Variants in PXDNL observed in about 807,000 individuals in gnomAD.
PXDNL encodes the protein peroxidasin like, also known as probable oxidoreductase PXDNL.
A neutral mutation model predicts 150.8 loss-of-function variants in PXDNL; 145 were observed. The observed-to-expected ratio is 0.96, with a 90% CI of 0.84 to 1.10. The LOEUF (loss-of-function observed/expected upper bound fraction) is 1.10. PXDNL is among the 50% of genes least tolerant of loss of function. The pLI is 0.00. For missense variants in PXDNL, 2,087 were observed against 1,873.9 expected (o/e 1.11, Z -2.10); for synonymous variants, 757 against 725.7 (o/e 1.04, Z -0.69).
At chr8:51,621,340 G>A (rs79577318) in intron 2 of PXDNL, among the ~76,000 whole-genome samples, 2,729 of 152,014 alleles carry the variant, frequency 0.018, 97 homozygotes, top group African/African-American at 0.063. Context: ...AAACTATAGA[G>A]CACTTAAAAT....
At chr8:51,419,599 A>G (rs975659477) in intron 14 of PXDNL, among the ~76,000 whole-genome samples, 2 of 152,218 alleles carry the variant, frequency 1.3e-5, no homozygotes, top group Non-Finnish European at 2.9e-5. Context: ...CTAATGTTTC[A>G]TATAAATGTG....
chr8:51,344,808 G>A (rs961630637), intron 20 of PXDNL, among the ~76,000 whole-genome samples: 39 of 152,110 alleles, frequency 2.6e-4, no homozygotes, highest in Non-Finnish European at 3.4e-4. Flanking sequence ...TGTAAAGTAG[G>A]TATTACATGC....
At chr8:51,670,548 A>G (rs1815477163) in intron 1 of PXDNL, among the ~76,000 whole-genome samples, 1 of 152,368 alleles carries the variant, frequency 6.6e-6, no homozygotes, top group East Asian at 1.9e-4. Context: ...CTAAACATAG[A>G]TAAGGTATAA....
intron 4 of PXDNL, among the ~76,000 whole-genome samples, chr8:51,549,378 T>A (rs994736370): frequency 1.3e-5 from 2 of 152,114 alleles, no homozygotes; most frequent in African/African-American, 4.8e-5. Flanking sequence ...AGAACATATA[T>A]ATTTTTTTCA....
intron 1 of PXDNL, among the ~76,000 whole-genome samples, chr8:51,703,462 T>C (rs1372551924): frequency 6.6e-6 from 1 of 152,228 alleles, no homozygotes; most frequent in Non-Finnish European, 1.5e-5. Flanking sequence ...TACAATCGTA[T>C]CTTTGCCAAC....
At chr8:51,412,571 C>T (rs534804329) in intron 15 of PXDNL, among the ~76,000 whole-genome samples, 49 of 152,288 alleles carry the variant, frequency 3.2e-4, no homozygotes, top group Middle Eastern at 3.4e-3. Flanking sequence ...TGGGATTTTA[C>T]GATGTCCCTT....
intron 20 of PXDNL, 68 bp downstream of exon 20, chr8:51,345,765 A>G: frequency 3.3e-6 from 3 of 915,048 alleles, no homozygotes; most frequent in East Asian, 4.9e-5. Context: ...AAAAGATAAA[A>G]ACAAATTGTA....
intron 19 of PXDNL, among the ~76,000 whole-genome samples, chr8:51,346,788 C>T (rs1361200286): frequency 1.3e-5 from 2 of 152,124 alleles, no homozygotes; most frequent in African/African-American, 2.4e-5. Flanking sequence ...GAAAGCTCCC[C>T]GAGGCCTCCC....
At chr8:51,695,752 A>G (rs574398270) in intron 1 of PXDNL, among the ~76,000 whole-genome samples, 2 of 152,328 alleles carry the variant, frequency 1.3e-5, no homozygotes, top group East Asian at 3.9e-4. Context: ...TTCTGCTAGA[A>G]AAGCTAAGAT....
At chr8:51,479,016 C>T (rs1810543274) in intron 6 of PXDNL, among the ~76,000 whole-genome samples, 2 of 152,314 alleles carry the variant, frequency 1.3e-5, no homozygotes, top group South Asian at 4.1e-4. Flanking sequence ...ACAGTGCATG[C>T]ATGTAAGGTG....
chr8:51,587,908 T>C (rs769447144), intron 3 of PXDNL, among the ~76,000 whole-genome samples: 1 of 152,154 alleles, frequency 6.6e-6, no homozygotes, highest in Non-Finnish European at 1.5e-5. Flanking sequence ...CCACCCGACC[T>C]CACAGAATCC....
Position 51,629,255 on chromosome 8 carries a change from G to A in PXDNL, c.236+25434C>T, listed in dbSNP as rs546982591. On this transcript the variant is annotated intron_variant, in intron 2 of 22. Coordinates refer to ENST00000356297, the MANE Select transcript of PXDNL (RefSeq NM_144651.5). ...AAATATAAAAAGACATATTGTAGCT[G>A]AAAAATACAGTAGCCAAATGAAAGA... 3.3e-5 allele frequency among the ~76,000 whole-genome samples: 5 copies of A among 152,232 alleles called. No individual in the cohort carries two copies. The East Asian group carries it at 9.6e-4, about 29-fold the overall frequency.
intron 2 of PXDNL, among the ~76,000 whole-genome samples, chr8:51,610,934 T>G (rs990430608): frequency 6.6e-6 from 1 of 151,548 alleles, no homozygotes; most frequent in Non-Finnish European, 1.5e-5. Flanking sequence ...AGACCTTCAC[T>G]AAATATGAAA....
In PXDNL at chr8:51,655,749, A is replaced by C. The variant is rs571312755; in HGVS notation, c.165-989T>G. Among the ~76,000 whole-genome samples the C allele has an allele frequency of 3.9e-5, 6 of 152,314 alleles. No individual in the cohort carries two copies. In the South Asian group the frequency reaches 1.2e-3, roughly 32 times the overall value. On this transcript the variant is annotated intron_variant, in intron 1 of 22. Transcript: ENST00000356297. ...AAGCATTGACATGGCTGCTGAATAA[A>C]AGTCATGTTCTCTCTCTGGGGTTCA... is the stretch of plus-strand genomic sequence containing the variant.
intron 12 of PXDNL, among the ~76,000 whole-genome samples, chr8:51,445,186 T>C (rs1243626256): frequency 6.6e-6 from 1 of 152,096 alleles, no homozygotes; most frequent in Non-Finnish European, 1.5e-5. Flanking sequence ...TCTCAAAGTG[T>C]TGGGATTACA....
chr8:51,428,416 C>CA (rs1404801374), intron 12 of PXDNL, among the ~76,000 whole-genome samples: 11 of 151,866 alleles, frequency 7.2e-5, no homozygotes, highest in Non-Finnish European at 1.0e-4. Context: ...ATGTTTTTGA[C>CA]AAAAAAGAAT....
At chr8:51,337,297 T>C (rs959478518) in intron 21 of PXDNL, among the ~76,000 whole-genome samples, 2 of 152,230 alleles carry the variant, frequency 1.3e-5, no homozygotes, top group African/African-American at 2.4e-5. Flanking sequence ...GCTCATGGAA[T>C]CTACCTGTGT....
In PXDNL at chr8:51,475,127, T is replaced by A; in HGVS notation, c.539A>T (p.Asn180Ile). Residue 180 changes from asparagine (N) to isoleucine (I), a missense_variant, in exon 7 of 23, where the codon AAC becomes ATC. Physicochemically the swap from Asn to Ile is moderately radical, Grantham distance 149. Transcript: ENST00000356297. The stretch of plus-strand genomic sequence containing the variant: ...CAGATCACAGTCACAAACCAGGGCG[T>A]TGGAATCCAGACGCCTAGGCATGCA... Reference protein sequence around the residue: ...DSLKRLRLDSNALVCDCDLMW... With the variant: ...DSLKRLRLDSIALVCDCDLMW... The A allele has an allele frequency of 6.2e-7, 1 of 1,612,746 alleles. No individual in the cohort carries two copies. Among genetic ancestry groups the A allele is most frequent in the African/African-American group, 1.3e-5 (1 of 75,006 alleles).
At chr8:51,364,409 G>A (rs116673574) in intron 19 of PXDNL, among the ~76,000 whole-genome samples, 4,772 of 152,268 alleles carry the variant, frequency 0.031, 200 homozygotes, top group African/African-American at 0.093. Context: ...CTCCCCAGAA[G>A]AAGATAACAC....
Sources: gnomAD v4.1 joint callset for allele counts (sites outside exome capture counted in the v4.1 genomes callset) on GRCh38, gnomAD v4.1.1 for gene constraint, MANE v1.5 for transcripts, NCBI Gene and HGNC (gene_info 2026-07-23, HGNC 2026-07-21) for gene names.